Variants in GALNT13 observed in about 807,000 individuals in gnomAD.
GALNT13 encodes UDP-GalNAc:polypeptide N-acetylgalactosaminyltransferase 13.
GALNT13 carries 28 observed loss-of-function variants against 64.2 expected under a neutral mutation model. That is an observed-to-expected ratio of 0.44 (90% CI 0.32 to 0.60). GALNT13 has a LOEUF of 0.60. Among genes scored for constraint, GALNT13 ranks in the 20% least tolerant of loss-of-function variants. The pLI is 0.05. For synonymous variants in GALNT13, 214 were observed against 224.6 expected, an observed-to-expected ratio of 0.95 and a Z score of 0.42; for missense variants, 577 against 669.8, an observed-to-expected ratio of 0.86 and a Z score of 1.53.
intron 4 of GALNT13, among the ~76,000 whole-genome samples, chr2:154,240,679 C>T (rs1399061380): frequency 6.6e-6 from 1 of 152,148 alleles, no homozygotes; most frequent in African/African-American, 2.4e-5. Flanking sequence ...ACCGTGTGCT[C>T]TTTTAATTTT....
the GALNT13 span, among the ~76,000 whole-genome samples, chr2:153,657,086 CAG>C: frequency 6.6e-6 from 1 of 152,106 alleles, no homozygotes; most frequent in East Asian, 1.9e-4. Context: ...CAGTGAGCAT[CAG>C]ATCTCTATGA....
chr2:154,070,232 G>C (rs999704060), intron 3 of GALNT13, among the ~76,000 whole-genome samples: 1 of 152,072 alleles, frequency 6.6e-6, no homozygotes, highest in Non-Finnish European at 1.5e-5. Context: ...AGGGGCCAGG[G>C]AAAGAAAGAA....
chr2:154,086,529 AT>A (rs890125809), intron 3 of GALNT13, among the ~76,000 whole-genome samples: 3 of 151,348 alleles, frequency 2.0e-5, no homozygotes, highest in Non-Finnish European at 2.9e-5. Flanking sequence ...GGTTCTGTAT[AT>A]CCATTTGCAT....
intron 4 of GALNT13, among the ~76,000 whole-genome samples, chr2:154,179,504 T>G (rs2105725507): frequency 6.6e-6 from 1 of 152,280 alleles, no homozygotes; most frequent in Admixed American, 6.5e-5. Flanking sequence ...ATACAAAATG[T>G]TCTTAACGTC....
the GALNT13 span, among the ~76,000 whole-genome samples, chr2:153,643,685 A>C: frequency 6.6e-6 from 1 of 151,962 alleles, no homozygotes; most frequent in African/African-American, 2.4e-5. Context: ...CTCATTTAGC[A>C]ATGTAGATGA....
chr2:154,226,131 CAG>C (rs1688606438), intron 4 of GALNT13, among the ~76,000 whole-genome samples: 1 of 152,020 alleles, frequency 6.6e-6, no homozygotes, highest in Admixed American at 6.6e-5. Context: ...AATGAATGAA[CAG>C]AGACAGGAGG....
At chr2:153,665,597 C>A in the GALNT13 span, among the ~76,000 whole-genome samples, 3 of 151,792 alleles carry the variant, frequency 2.0e-5, no homozygotes, top group African/African-American at 7.3e-5. Flanking sequence ...AAGAAGAATA[C>A]CCATCATTTA....
At chr2:153,128,608 TCTA>T in the GALNT13 span, among the ~76,000 whole-genome samples, 1 of 152,134 alleles carries the variant, frequency 6.6e-6, no homozygotes, top group Non-Finnish European at 1.5e-5. Flanking sequence ...AAAATGGCAC[TCTA>T]GTTATATGTA....
At chr2:154,137,987 C>T (rs1683046819) in intron 3 of GALNT13, among the ~76,000 whole-genome samples, 1 of 152,028 alleles carries the variant, frequency 6.6e-6, no homozygotes, top group African/African-American at 2.4e-5. Flanking sequence ...CCCCTTCCCA[C>T]TGTATTAGAA....
At chr2:153,121,559 TCTCA>T in the GALNT13 span, among the ~76,000 whole-genome samples, 1 of 152,070 alleles carries the variant, frequency 6.6e-6, no homozygotes, top group Non-Finnish European at 1.5e-5. Flanking sequence ...TGAGGCGGAG[TCTCA>T]CTCTGTTGCC....
the GALNT13 span, among the ~76,000 whole-genome samples, chr2:153,681,022 G>A: frequency 1.9e-3 from 294 of 152,044 alleles, 1 homozygote; most frequent in African/African-American, 6.9e-3. Flanking sequence ...GAGAAGACAA[G>A]GTTATAGAGA....
the GALNT13 span, among the ~76,000 whole-genome samples, chr2:153,686,574 C>T: frequency 1.3e-5 from 2 of 151,754 alleles, no homozygotes; most frequent in African/African-American, 4.8e-5. Flanking sequence ...TATAGGAACA[C>T]GTTGTCCACA....
chr2:153,086,906 T>C, the GALNT13 span, among the ~76,000 whole-genome samples: 1 of 152,094 alleles, frequency 6.6e-6, no homozygotes, highest in Non-Finnish European at 1.5e-5. Context: ...GTTTTCTAGA[T>C]ATATGATCAT....
chr2:154,334,976 A>G (rs552531116), intron 9 of GALNT13, among the ~76,000 whole-genome samples: 1 of 152,174 alleles, frequency 6.6e-6, no homozygotes, highest in African/African-American at 2.4e-5. Flanking sequence ...CTTCTGGCAG[A>G]AAAACTACAT....
chr2:153,314,582 G>A, the GALNT13 span, among the ~76,000 whole-genome samples: 4 of 151,850 alleles, frequency 2.6e-5, no homozygotes, highest in Non-Finnish European at 5.9e-5. Flanking sequence ...ATAATACAGA[G>A]TATATTTTCT....
chr2:153,341,835 C>G, the GALNT13 span, among the ~76,000 whole-genome samples: 559 of 152,262 alleles, frequency 3.7e-3, 4 homozygotes, highest in African/African-American at 0.011. Flanking sequence ...AGGAGCTGAA[C>G]TTTCCCCAGG....
chr2:154,183,663 G>A (rs1686089863), intron 4 of GALNT13, among the ~76,000 whole-genome samples: 1 of 152,050 alleles, frequency 6.6e-6, no homozygotes, highest in Admixed American at 6.6e-5. Flanking sequence ...AGTGAGCCAT[G>A]ATCATGCCAC....
intron 12 of GALNT13, among the ~76,000 whole-genome samples, chr2:154,444,849 TG>T (rs1701484671): frequency 6.6e-6 from 1 of 152,078 alleles, no homozygotes; most frequent in Admixed American, 6.6e-5. Context: ...AAATGGATTT[TG>T]GAAATTCATT....
chr2:153,866,487 C>T, the GALNT13 span, among the ~76,000 whole-genome samples: 1 of 152,068 alleles, frequency 6.6e-6, no homozygotes, highest in Non-Finnish European at 1.5e-5. Flanking sequence ...AAATCACCGT[C>T]ATGGAAAAAT....
Sources: allele counts gnomAD v4.1 joint callset (sites outside exome capture counted in the v4.1 genomes callset), GRCh38; gene constraint gnomAD v4.1.1; transcripts MANE v1.5; gene names NCBI Gene and HGNC (gene_info 2026-07-23, HGNC 2026-07-21).